Variants in ARHGEF7 observed in about 807,000 individuals in gnomAD.
The protein encoded by ARHGEF7 is Rho guanine nucleotide exchange factor 7, also known as PAK-interacting exchange factor beta.
Under a neutral mutation model 109.8 loss-of-function variants are expected in ARHGEF7, and 33 were observed. The ratio of observed to expected loss-of-function variants is 0.30; its 90% CI spans 0.23 to 0.40. The LOEUF (loss-of-function observed/expected upper bound fraction) is 0.40, where lower values mean the gene tolerates loss of function less well. Ranked by LOEUF, ARHGEF7 falls within the 10% of genes least tolerant of loss-of-function variation. The pLI is 1.00. For missense variants in ARHGEF7, 938 were observed against 1,098.5 expected (o/e 0.85, Z 2.07); for synonymous variants, 458 against 424.6 (o/e 1.08, Z -0.97).
At chr13:111,233,367 T>C in intron 6 of ARHGEF7, 74 bp downstream of exon 6, 1 of 1,146,252 alleles carries the variant, frequency 8.7e-7, no homozygotes, top group Non-Finnish European at 1.3e-6. Flanking sequence ...TAGAATGTAG[T>C]GTAAAGTACC....
At chr13:111,184,478 G>A (rs1490035516) in intron 2 of ARHGEF7, among the ~76,000 whole-genome samples, 1 of 152,130 alleles carries the variant, frequency 6.6e-6, no homozygotes, top group Non-Finnish European at 1.5e-5. Context: ...TTAGCACTCA[G>A]TTTGGAGCAT....
chr13:111,251,788 A>G (rs962583176), intron 8 of ARHGEF7, among the ~76,000 whole-genome samples: 1 of 152,188 alleles, frequency 6.6e-6, no homozygotes, highest in Non-Finnish European at 1.5e-5. Flanking sequence ...ACATACACTC[A>G]TGCCTGCATG....
At chr13:111,197,562 A>C (rs1419766806) in intron 2 of ARHGEF7, among the ~76,000 whole-genome samples, 3 of 152,202 alleles carry the variant, frequency 2.0e-5, no homozygotes. Flanking sequence ...AATGAAGTGG[A>C]GGGCCATACC....
chr13:111,195,489 A>C (rs1318832705), intron 2 of ARHGEF7, among the ~76,000 whole-genome samples: 1 of 152,196 alleles, frequency 6.6e-6, no homozygotes, highest in South Asian at 2.1e-4. Flanking sequence ...GTCGTCCAGG[A>C]CTGGAGATTA....
intron 19 of ARHGEF7, chr13:111,293,167 C>T: frequency 1.0e-6 from 1 of 985,388 alleles, no homozygotes; most frequent in Non-Finnish European, 1.2e-6. Context: ...AGCATTCAGC[C>T]TCTGCAAGTG....
rs374254945 is a variant in ARHGEF7 at position 111,272,189 on chromosome 13, C to T, written c.1074-1625C>T. On this transcript the variant is annotated intron_variant, in intron 9 of 21. Transcript: ENST00000646102. The surrounding 1 kb of genome is among the most constrained non-coding windows in gnomAD (Gnocchi z 5.2). ...CACATGGAATAAGGAGGGTGAGAAG[C>T]GGGAAGGGCTGGCACCACCCTGGCT... 6.6e-5 allele frequency among the ~76,000 whole-genome samples: 10 copies of T among 152,180 alleles called. No individual in the cohort carries two copies. Among genetic ancestry groups the T allele is most frequent in the Non-Finnish European group, 1.3e-4 (9 of 68,026 alleles).
intron 1 of ARHGEF7, 181 bp from the exon 2 acceptor site, chr13:111,153,724 G>A: frequency 1.5e-6 from 2 of 1,332,676 alleles, no homozygotes; most frequent in Non-Finnish European, 9.5e-7. Flanking sequence ...AAAAAAGGGT[G>A]AGGAGAAGCA....
At position 111,273,689 on chromosome 13, in the gene ARHGEF7, G is replaced by A; in HGVS notation, c.1074-125G>A. 7.5e-7 allele frequency: 1 copy of A among 1,338,698 alleles called. No homozygotes were observed. Among genetic ancestry groups the A allele is most frequent in the African/African-American group, 1.5e-5 (1 of 68,932 alleles). 82.9% of individuals were successfully genotyped at this position (1,338,698 alleles called of 1,614,324 possible). On this transcript the variant is annotated intron_variant, in intron 9 of 21. Coordinates refer to ENST00000646102, the MANE Select transcript of ARHGEF7 (RefSeq NM_001354046.2). This position sits in a 1 kb window ranked among gnomAD's most constrained non-coding sequence, Gnocchi z 4.5. ...GCGCAGATTTGGGATAAAAGCTGGAGCCTTCCAGATGTTAAAAGCAACACT... is the reference window on the plus strand; with the variant it reads ...GCGCAGATTTGGGATAAAAGCTGGAACCTTCCAGATGTTAAAAGCAACACT...
chr13:111,274,485 T>G (rs2092363820), intron 10 of ARHGEF7, among the ~76,000 whole-genome samples: 1 of 152,196 alleles, frequency 6.6e-6, no homozygotes, highest in African/African-American at 2.4e-5. Context: ...CAATAAGACT[T>G]TATTGATGAA....
chr13:111,119,763 T>TGAA (rs1458652055), intron 1 of ARHGEF7, among the ~76,000 whole-genome samples: 4 of 152,222 alleles, frequency 2.6e-5, no homozygotes, highest in African/African-American at 9.6e-5. Context: ...ACTCACTTTC[T>TGAA]GCTCAGTGTC....
At chr13:111,261,334 A>G (rs1211707121) in intron 8 of ARHGEF7, among the ~76,000 whole-genome samples, 1 of 152,212 alleles carries the variant, frequency 6.6e-6, no homozygotes, top group Non-Finnish European at 1.5e-5. Context: ...CTTATATCAA[A>G]CAAAATAGAT....
intron 3 of ARHGEF7, among the ~76,000 whole-genome samples, chr13:111,207,961 A>T (rs2082083610): frequency 6.6e-6 from 1 of 152,004 alleles, no homozygotes; most frequent in African/African-American, 2.4e-5. Context: ...TATAGGAATG[A>T]CCCCTCCTAG....
intron 6 of ARHGEF7, among the ~76,000 whole-genome samples, chr13:111,233,844 T>C (rs1328867683): frequency 6.6e-6 from 1 of 152,240 alleles, no homozygotes; most frequent in South Asian, 2.1e-4. Flanking sequence ...TATGTGATAC[T>C]AAATCTGTGT....
At chr13:111,171,671 T>TA (rs1299138682) in intron 2 of ARHGEF7, among the ~76,000 whole-genome samples, 3 of 152,156 alleles carry the variant, frequency 2.0e-5, no homozygotes, top group African/African-American at 7.2e-5. Flanking sequence ...GGAAAGCTGT[T>TA]AAAGTTTGAT....
At chr13:111,234,681 G>A (rs538239542) in intron 6 of ARHGEF7, among the ~76,000 whole-genome samples, 19 of 152,104 alleles carry the variant, frequency 1.2e-4, no homozygotes, top group Non-Finnish European at 2.1e-4. Flanking sequence ...GGTCAACTCC[G>A]GATCCTTTTC....
intron 3 of ARHGEF7, among the ~76,000 whole-genome samples, chr13:111,207,766 A>G (rs377519665): frequency 6.6e-6 from 1 of 152,218 alleles, no homozygotes; most frequent in East Asian, 1.9e-4. Context: ...TTACAAGTAA[A>G]TAAGAGAAGT....
chr13:111,162,599 C>T (rs753285024), intron 2 of ARHGEF7, among the ~76,000 whole-genome samples: 23 of 152,118 alleles, frequency 1.5e-4, no homozygotes, highest in Non-Finnish European at 3.1e-4. Context: ...AGTCCAGCAT[C>T]GTAAGGAGCT....
At chr13:111,277,487 T>G in intron 12 of ARHGEF7, 100 bp from the exon 13 acceptor site, 1 of 689,084 alleles carries the variant, frequency 1.5e-6, no homozygotes, top group Non-Finnish European at 2.5e-6. Flanking sequence ...TATCATGTAA[T>G]GTTTCATAGG....
intron 19 of ARHGEF7, among the ~76,000 whole-genome samples, chr13:111,297,969 T>C (rs1388761736): frequency 6.6e-6 from 1 of 152,254 alleles, no homozygotes; most frequent in Non-Finnish European, 1.5e-5. Flanking sequence ...TGAAGAAATG[T>C]GTAGCAAACA....
Sources: allele counts gnomAD v4.1 joint callset (sites outside exome capture counted in the v4.1 genomes callset), GRCh38; gene constraint gnomAD v4.1.1; non-coding constraint Gnocchi (gnomAD v3.1); transcripts MANE v1.5; gene names NCBI Gene and HGNC (gene_info 2026-07-23, HGNC 2026-07-21).